Variants in CDH12 observed in about 807,000 individuals in gnomAD.
The protein encoded by CDH12 is cadherin 12.
A neutral mutation model predicts 74.1 loss-of-function variants in CDH12; 41 were observed. The observed-to-expected ratio is 0.55, with a 90% CI of 0.43 to 0.72. The LOEUF (loss-of-function observed/expected upper bound fraction) is 0.72. Ranked by LOEUF, CDH12 falls within the 30% of genes least tolerant of loss-of-function variation. The probability of loss-of-function intolerance (pLI) is 0.00; values close to 1 mark genes in which losing one functional copy is unlikely to be tolerated. For synonymous variants in CDH12, 399 were observed against 355.0 expected, an observed-to-expected ratio of 1.12 and a Z score of -1.39; for missense variants, 945 against 977.2, an observed-to-expected ratio of 0.97 and a Z score of 0.44.
At chr5:21,825,797 C>G (rs559537403) in intron 8 of CDH12, among the ~76,000 whole-genome samples, 5 of 152,162 alleles carry the variant, frequency 3.3e-5, no homozygotes, top group Non-Finnish European at 7.3e-5. Context: ...TCTACAATTA[C>G]GGTTTTCTGG....
chr5:22,733,818 T>C (rs1191668244), intron 1 of CDH12, among the ~76,000 whole-genome samples: 1 of 151,978 alleles, frequency 6.6e-6, no homozygotes, highest in Non-Finnish European at 1.5e-5. Flanking sequence ...GGCATACTTA[T>C]TTTAGCCTCT....
intron 1 of CDH12, among the ~76,000 whole-genome samples, chr5:22,644,733 T>G (rs564346220): frequency 4.3e-4 from 66 of 151,994 alleles, no homozygotes; most frequent in South Asian, 3.1e-3. Flanking sequence ...AGGATTTTAA[T>G]AGAAAGGAAA....
At chr5:22,429,197 T>A (rs1239372789) in intron 2 of CDH12, among the ~76,000 whole-genome samples, 1 of 152,030 alleles carries the variant, frequency 6.6e-6, no homozygotes, top group Non-Finnish European at 1.5e-5. Flanking sequence ...AGTGGTGCGA[T>A]CATGACTCAT....
At chr5:22,628,254 C>G (rs1738401545) in intron 1 of CDH12, among the ~76,000 whole-genome samples, 2 of 152,084 alleles carry the variant, frequency 1.3e-5, no homozygotes, top group Admixed American at 1.3e-4. Flanking sequence ...ATAGACCTAA[C>G]AGACATCTAA....
intron 1 of CDH12, among the ~76,000 whole-genome samples, chr5:22,652,257 A>G (rs1302043747): frequency 6.6e-6 from 1 of 152,116 alleles, no homozygotes. Flanking sequence ...AAGAGACAAT[A>G]CTAACATATG....
intron 1 of CDH12, among the ~76,000 whole-genome samples, chr5:22,753,012 G>C (rs1481835130): frequency 6.6e-6 from 1 of 152,098 alleles, no homozygotes; most frequent in Non-Finnish European, 1.5e-5. Flanking sequence ...TAGAGACGTA[G>C]GGAAGGCAGC....
chr5:22,627,916 G>GA (rs887399713), intron 1 of CDH12, among the ~76,000 whole-genome samples: 3 of 148,908 alleles, frequency 2.0e-5, no homozygotes, highest in South Asian at 2.1e-4. Flanking sequence ...ATGGAAAACA[G>GA]AAAAAAAAAG....
intron 6 of CDH12, among the ~76,000 whole-genome samples, chr5:21,855,438 A>G (rs1750703490): frequency 6.6e-6 from 1 of 151,552 alleles, no homozygotes; most frequent in South Asian, 2.1e-4. Context: ...TTTTTTCTGT[A>G]CTAAAAGAAG....
chr5:21,856,553 G>A (rs923682399), intron 6 of CDH12, among the ~76,000 whole-genome samples: 8 of 151,596 alleles, frequency 5.3e-5, no homozygotes, highest in African/African-American at 7.3e-5. Flanking sequence ...AACTAATACC[G>A]TATTGCAATT....
chr5:22,836,385 G>A (rs1170659085), intron 1 of CDH12, among the ~76,000 whole-genome samples: 3 of 150,762 alleles, frequency 2.0e-5, no homozygotes, highest in African/African-American at 7.3e-5. Flanking sequence ...CACCATTCTC[G>A]GCTAATTTTT....
At chr5:22,294,491 G>T (rs1253266850) in intron 3 of CDH12, among the ~76,000 whole-genome samples, 1 of 152,164 alleles carries the variant, frequency 6.6e-6, no homozygotes, top group Non-Finnish European at 1.5e-5. Flanking sequence ...CTCAGGGAAA[G>T]GCATGAATGC....
intron 1 of CDH12, among the ~76,000 whole-genome samples, chr5:22,607,350 T>C (rs1033526249): frequency 3.3e-5 from 5 of 152,196 alleles, no homozygotes; most frequent in South Asian, 4.2e-4. Flanking sequence ...GATAAAGACA[T>C]ACCCAACACT....
chr5:21,822,402 A>G (rs561713558), intron 8 of CDH12, among the ~76,000 whole-genome samples: 38 of 152,112 alleles, frequency 2.5e-4, no homozygotes, highest in African/African-American at 7.7e-4. Flanking sequence ...ATATTTTCCC[A>G]TATCTTTAAA....
chr5:22,001,847 T>C (rs189011507), intron 5 of CDH12, among the ~76,000 whole-genome samples: 2,009 of 152,212 alleles, frequency 0.013, 42 homozygotes, highest in African/African-American at 0.045. Flanking sequence ...ATTGAGAAAT[T>C]AAAAGGTCCT....
chr5:22,841,393 T>A (rs961213245), intron 1 of CDH12, among the ~76,000 whole-genome samples: 1 of 152,132 alleles, frequency 6.6e-6, no homozygotes, highest in Non-Finnish European at 1.5e-5. Context: ...GCATAGAATA[T>A]GTTTGTGAGT....
At chr5:21,856,658 T>C (rs901681001) in intron 6 of CDH12, among the ~76,000 whole-genome samples, 2 of 151,782 alleles carry the variant, frequency 1.3e-5, no homozygotes, top group East Asian at 3.9e-4. Context: ...TGAACAAATA[T>C]GTTCTTCTAA....
At chr5:22,513,416 T>C (rs1046511106) in intron 1 of CDH12, among the ~76,000 whole-genome samples, 2 of 151,906 alleles carry the variant, frequency 1.3e-5, no homozygotes, top group South Asian at 2.1e-4. Flanking sequence ...CCACAAGCAC[T>C]CTCCAGGCCC....
chr5:22,718,524 T>C (rs1436770376), intron 1 of CDH12, among the ~76,000 whole-genome samples: 2 of 152,148 alleles, frequency 1.3e-5, no homozygotes, highest in Non-Finnish European at 2.9e-5. Context: ...TAAGTTAAAT[T>C]TCTGGGCCAC....
chr5:22,668,440 T>A (rs982940783), intron 1 of CDH12, among the ~76,000 whole-genome samples: 1 of 152,210 alleles, frequency 6.6e-6, no homozygotes, highest in Non-Finnish European at 1.5e-5. Context: ...TACCTGAAAC[T>A]GGATAAAGAA....
Sources: gnomAD v4.1 joint callset for allele counts (sites outside exome capture counted in the v4.1 genomes callset) on GRCh38, gnomAD v4.1.1 for gene constraint, MANE v1.5 for transcripts, NCBI Gene and HGNC (gene_info 2026-07-23, HGNC 2026-07-21) for gene names.